SMURF2: variants seen among roughly 807,000 people sequenced by gnomAD.
The protein encoded by SMURF2 is SMAD specific E3 ubiquitin protein ligase 2.
A neutral mutation model predicts 109.6 loss-of-function variants in SMURF2; 48 were observed. The observed-to-expected ratio is 0.44, with a 90% CI of 0.35 to 0.56. The LOEUF is 0.56. Among genes scored for constraint, SMURF2 ranks in the 20% least tolerant of loss-of-function variants. The pLI is 0.01. For synonymous variants in SMURF2, 288 were observed against 317.1 expected (o/e 0.91, Z 0.97); for missense variants, 575 against 909.0 (o/e 0.63, Z 4.72).
intron 1 of SMURF2, among the ~76,000 whole-genome samples, chr17:64,607,959 A>G (rs926724270): frequency 1.3e-5 from 2 of 150,556 alleles, no homozygotes; most frequent in Admixed American, 6.6e-5. Context: ...GATTGCAACC[A>G]CTGAACTCCA....
intron 10 of SMURF2, among the ~76,000 whole-genome samples, chr17:64,564,969 A>G (rs572525022): frequency 6.6e-6 from 1 of 152,368 alleles, no homozygotes; most frequent in South Asian, 2.1e-4. Context: ...GGGGTGGTGA[A>G]TATGTTCACT....
chr17:64,566,693 T>A lies in SMURF2; in HGVS notation c.1017-3727A>T, dbSNP rs7215196. On this transcript the variant is annotated intron_variant, in intron 10 of 18. Transcript: ENST00000262435. ...GTCAAGCTATTCTCCTGCCTCAGCC[T>A]CCCGAGTAGCTGGGACTACAGGTGC... Among the ~76,000 whole-genome samples, 1,354 of 146,424 alleles carry A rather than the reference T, an allele frequency of 9.2e-3. 15 individuals are homozygous for A. Among genetic ancestry groups the A allele is most frequent in the African/African-American group, 0.033 (1,298 of 39,610 alleles).
rs553528317 is a variant in SMURF2 at position 64,616,193 on chromosome 17, T to G, written c.53-9553A>C. Among the ~76,000 whole-genome samples the G allele has an allele frequency of 1.2e-4, 18 of 152,308 alleles. No individual in the cohort carries two copies. The South Asian group carries it at 3.7e-3, about 32-fold the overall frequency. On this transcript the variant is annotated intron_variant, in intron 1 of 18. Coordinates refer to ENST00000262435, the MANE Select transcript of SMURF2 (RefSeq NM_022739.4). ...TACATGTAGTACATTTAATAAAATATATTTTTAGTAAAGAATATAAACATA... is the reference window on the plus strand; with the variant it reads ...TACATGTAGTACATTTAATAAAATAGATTTTTAGTAAAGAATATAAACATA...
intron 9 of SMURF2, among the ~76,000 whole-genome samples, chr17:64,578,265 G>A (rs1431105695): frequency 1.3e-5 from 2 of 151,968 alleles, no homozygotes; most frequent in African/African-American, 4.8e-5. Context: ...TTTTTAAGGG[G>A]AAGCAGGGGA....
At position 64,544,675 on chromosome 17, in the gene SMURF2, T is replaced by C. The variant is rs1968920404; in HGVS notation, c.*1173A>G. On this transcript the variant is annotated 3_prime_UTR_variant, in exon 19 of 19. Coordinates refer to ENST00000262435, the MANE Select transcript of SMURF2 (RefSeq NM_022739.4). ...GAACTCTTCAAAGTAATTTACGCCATAGAGTTAGAATCACTGTTCATACTA... is the reference window on the plus strand; with the variant it reads ...GAACTCTTCAAAGTAATTTACGCCACAGAGTTAGAATCACTGTTCATACTA... 6.6e-6 allele frequency: 1 copy of C among 152,188 alleles called. No individual in the cohort carries two copies. Among genetic ancestry groups the C allele is most frequent in the Admixed American group, 6.5e-5 (1 of 15,280 alleles). 9.4% of individuals were successfully genotyped at this position (152,188 alleles called of 1,614,324 possible).
At chr17:64,591,623 A>C (rs1969752850) in intron 4 of SMURF2, among the ~76,000 whole-genome samples, 1 of 152,188 alleles carries the variant, frequency 6.6e-6, no homozygotes, top group Non-Finnish European at 1.5e-5. Context: ...CAGTTCTGTC[A>C]CTCATTCATT....
chr17:64,597,770 CAAAAAA>C (rs369162603), intron 3 of SMURF2, among the ~76,000 whole-genome samples: 1,375 of 112,608 alleles, frequency 0.012, 26 homozygotes, highest in African/African-American at 0.037. Flanking sequence ...AAGACTGTCT[CAAAAAA>C]AAAAAAAAAT....
chr17:64,577,531 T>C (rs1256721566), intron 9 of SMURF2, among the ~76,000 whole-genome samples: 1 of 149,608 alleles, frequency 6.7e-6, no homozygotes, highest in African/African-American at 2.5e-5. Flanking sequence ...TGTGAACATA[T>C]ACCCTAGAAC....
At chr17:64,624,333 TAAAA>T (rs1191228889) in intron 1 of SMURF2, among the ~76,000 whole-genome samples, 1 of 131,008 alleles carries the variant, frequency 7.6e-6, no homozygotes, top group Admixed American at 7.5e-5. Flanking sequence ...CTCATCTCTA[TAAAA>T]AAAAATTTTT....
chr17:64,573,737 GTTCAGCCTCCCAAA>G (rs150925668), intron 9 of SMURF2, among the ~76,000 whole-genome samples: 11,075 of 152,164 alleles, frequency 0.073, 603 homozygotes, highest in Admixed American at 0.14. Context: ...AACTCAGGGA[GTTCAGCCTCCCAAA>G]TTCAGCCTCC....
At chr17:64,623,804 T>C (rs1296221461) in intron 1 of SMURF2, among the ~76,000 whole-genome samples, 1 of 152,242 alleles carries the variant, frequency 6.6e-6, no homozygotes, top group Non-Finnish European at 1.5e-5. Context: ...GATACCAAGT[T>C]GGACATAATG....
At chr17:64,554,813 A>C (rs781898564) in intron 15 of SMURF2, 43 bp downstream of exon 15, 2 of 1,586,252 alleles carry the variant, frequency 1.3e-6, no homozygotes, top group Non-Finnish European at 1.7e-6. Context: ...AACATTCTAG[A>C]ACATTTTAAA....
chr17:64,629,968 T>G (rs782034458), intron 1 of SMURF2, among the ~76,000 whole-genome samples: 13 of 152,152 alleles, frequency 8.5e-5, no homozygotes, highest in Non-Finnish European at 1.9e-4. Flanking sequence ...CCGGGCACAG[T>G]GGCTCACGCC....
intron 1 of SMURF2, among the ~76,000 whole-genome samples, chr17:64,624,378 A>G (rs1008124889): frequency 5.3e-5 from 8 of 150,432 alleles, no homozygotes; most frequent in African/African-American, 2.0e-4. Context: ...CTGTCATCCA[A>G]ACTGGAGTGG....
At chr17:64,593,790 C>T (rs1190631933) in intron 3 of SMURF2, among the ~76,000 whole-genome samples, 4 of 152,132 alleles carry the variant, frequency 2.6e-5, no homozygotes, top group African/African-American at 9.7e-5. Context: ...CACTCTCAAG[C>T]TGGGCTATAA....
chr17:64,660,316 A>G (rs1480155215), intron 1 of SMURF2, among the ~76,000 whole-genome samples: 1 of 152,162 alleles, frequency 6.6e-6, no homozygotes, highest in Non-Finnish European at 1.5e-5. Context: ...AGCAACAGCA[A>G]CAGATAAACT....
chr17:64,598,502 G>T lies in SMURF2; in HGVS notation c.92-12C>A. Reference sequence around the variant, plus strand: ...TGGATCAGGAAGTCCTGTGAAAAAAGATTTTCTAAAATTAATAATTTGACA... The same window carrying T: ...TGGATCAGGAAGTCCTGTGAAAAAATATTTTCTAAAATTAATAATTTGACA... On this transcript the variant is annotated splice_polypyrimidine_tract_variant and intron_variant, in intron 2 of 18. Coordinates refer to ENST00000262435, the MANE Select transcript of SMURF2 (RefSeq NM_022739.4). 7 of 1,579,906 alleles carry T rather than the reference G, an allele frequency of 4.4e-6. No homozygotes were observed. Among genetic ancestry groups the T allele is most frequent in the Non-Finnish European group, 6.0e-6 (7 of 1,164,524 alleles).
At chr17:64,654,230 T>C (rs551840823) in intron 1 of SMURF2, among the ~76,000 whole-genome samples, 1 of 152,314 alleles carries the variant, frequency 6.6e-6, no homozygotes, top group East Asian at 1.9e-4. Flanking sequence ...AAACTTTATG[T>C]CTGCTACCAA....
At chr17:64,616,196 T>C (rs1970118521) in intron 1 of SMURF2, among the ~76,000 whole-genome samples, 1 of 152,178 alleles carries the variant, frequency 6.6e-6, no homozygotes, top group Admixed American at 6.5e-5. Flanking sequence ...TAAAATATAT[T>C]TTTAGTAAAG....
Sources: allele counts gnomAD v4.1 joint callset (sites outside exome capture counted in the v4.1 genomes callset), GRCh38; gene constraint gnomAD v4.1.1; transcripts MANE v1.5; gene names NCBI Gene and HGNC (gene_info 2026-07-23, HGNC 2026-07-21).